Variants in FREM2 observed in about 807,000 individuals in gnomAD.
FREM2 encodes the protein FRAS1-related extracellular matrix protein 2.
In FREM2, 119 loss-of-function variants were observed where a neutral mutation model predicts 219.9. The ratio of observed to expected loss-of-function variants is 0.54; its 90% CI spans 0.47 to 0.63. The LOEUF (loss-of-function observed/expected upper bound fraction) is 0.63, where lower values mean the gene tolerates loss of function less well. Ranked by LOEUF, FREM2 falls within the 30% of genes least tolerant of loss-of-function variation. FREM2 has a pLI of 0.00. For missense variants in FREM2, 4,030 were observed against 3,993.6 expected, an observed-to-expected ratio of 1.01 and a Z score of -0.25; for synonymous variants, 1,562 against 1,522.8, an observed-to-expected ratio of 1.03 and a Z score of -0.60.
intron 6 of FREM2, among the ~76,000 whole-genome samples, chr13:38,813,519 CTCTCTCTCTCTCT>C (rs1875606392): frequency 1.7e-4 from 1 of 5,716 alleles, no homozygotes; most frequent in African/African-American, 4.8e-4. Context: ...TCTCTCTCTC[CTCTCTCTCTCTCT>C]CTCTCTCTCT....
At chr13:38,772,397 G>A (rs1230393367) in intron 4 of FREM2, among the ~76,000 whole-genome samples, 1 of 152,062 alleles carries the variant, frequency 6.6e-6, no homozygotes, top group African/African-American at 2.4e-5. Flanking sequence ...TAAACAACTC[G>A]GCTTTATTTT....
chr13:38,720,715 A>G (rs1376845819), intron 2 of FREM2, among the ~76,000 whole-genome samples: 1 of 152,158 alleles, frequency 6.6e-6, no homozygotes, highest in Non-Finnish European at 1.5e-5. Flanking sequence ...CAAGTACGTT[A>G]AGAGGCAAAA....
intron 2 of FREM2, among the ~76,000 whole-genome samples, chr13:38,725,868 T>C (rs1316210212): frequency 1.3e-5 from 2 of 152,178 alleles, no homozygotes; most frequent in Non-Finnish European, 2.9e-5. Context: ...AGTTTTGCTT[T>C]AGGCATGTCA....
At chr13:38,820,723 A>G (rs1050002923) in intron 6 of FREM2, among the ~76,000 whole-genome samples, 5 of 152,142 alleles carry the variant, frequency 3.3e-5, no homozygotes, top group African/African-American at 1.2e-4. Flanking sequence ...ACATACAGAA[A>G]ATGCTGAAAA....
At position 38,859,567 on chromosome 13, in the gene FREM2, T is replaced by C. The variant is rs748394116; in HGVS notation, c.7496T>C (p.Ile2499Thr). ...GAAGGCCTGGAGCTCATGAGCCCTA[T>C]TGTAACCATCAGCAGAGAAGAAGGT... ...GDEGLELMSP[I>T]VTISREEGLC... Residue 2499 changes from isoleucine (I) to threonine (T), a missense_variant, in exon 14 of 24, where the codon ATT becomes ACT. Transcript: ENST00000280481. The C allele has an allele frequency of 4.3e-6, 7 of 1,614,048 alleles. No homozygotes were observed. Among genetic ancestry groups the C allele is most frequent in the Non-Finnish European group, 4.2e-6 (5 of 1,179,998 alleles).
intron 6 of FREM2, among the ~76,000 whole-genome samples, chr13:38,839,005 C>T (rs999981487): frequency 5.9e-5 from 9 of 152,042 alleles, no homozygotes; most frequent in South Asian, 4.2e-4. Flanking sequence ...CCCTTGCTGG[C>T]GAGGAGTTGT....
At chr13:38,783,965 C>T (rs534997712) in intron 5 of FREM2, among the ~76,000 whole-genome samples, 41 of 152,312 alleles carry the variant, frequency 2.7e-4, no homozygotes, top group African/African-American at 9.1e-4. Flanking sequence ...CATGGTGGCG[C>T]GCACGCGCCT....
intron 2 of FREM2, among the ~76,000 whole-genome samples, chr13:38,740,877 G>C (rs1272560629): frequency 6.6e-6 from 1 of 152,148 alleles, no homozygotes; most frequent in African/African-American, 2.4e-5. Flanking sequence ...CACTACTCTT[G>C]ACTCCTTTTC....
At chr13:38,858,423 G>C (rs4473057) in intron 13 of FREM2, among the ~76,000 whole-genome samples, 30,513 of 152,126 alleles carry the variant, frequency 0.2, 3,314 homozygotes, top group East Asian at 0.31. Flanking sequence ...CCATATATGA[G>C]GGGAGGTTTG....
At chr13:38,784,858 A>G in intron 6 of FREM2, 50 bp downstream of exon 6, 1 of 1,591,458 alleles carries the variant, frequency 6.3e-7, no homozygotes, top group Non-Finnish European at 8.6e-7. Context: ...GATCAACATC[A>G]GGAACAACTT....
intron 6 of FREM2, among the ~76,000 whole-genome samples, chr13:38,812,121 C>T (rs555203200): frequency 6.6e-6 from 1 of 152,080 alleles, no homozygotes; most frequent in Non-Finnish European, 1.5e-5. Flanking sequence ...TACTCCTGCT[C>T]TTTTTTGGTT....
chr13:38,703,705 TTTA>T (rs1272407953), intron 2 of FREM2, among the ~76,000 whole-genome samples: 2 of 152,156 alleles, frequency 1.3e-5, no homozygotes, highest in Non-Finnish European at 2.9e-5. Flanking sequence ...CTCAATTTTA[TTTA>T]TTATTATTCT....
chr13:38,869,768 C>G (rs796576986), intron 16 of FREM2, among the ~76,000 whole-genome samples: 9 of 152,288 alleles, frequency 5.9e-5, no homozygotes, highest in African/African-American at 2.2e-4. Flanking sequence ...CAATAAAAAA[C>G]ACTTTAGATG....
At chr13:38,775,314 G>A (rs567552597) in intron 4 of FREM2, among the ~76,000 whole-genome samples, 99 of 152,274 alleles carry the variant, frequency 6.5e-4, no homozygotes, top group Non-Finnish European at 1.2e-3. Flanking sequence ...TTAATGAAAC[G>A]ATAGTACGCT....
In FREM2 at chr13:38,731,757, G is replaced by A. The variant is rs113522311; in HGVS notation, c.5264-32547G>A. Among the ~76,000 whole-genome samples, 515 of 152,230 alleles carry A rather than the reference G, an allele frequency of 3.4e-3. 2 individuals carry two copies. The highest frequency in any genetic ancestry group is 0.011 in the African/African-American group (475 of 41,548). On this transcript the variant is annotated intron_variant, in intron 2 of 23. Coordinates refer to ENST00000280481, the MANE Select transcript of FREM2 (RefSeq NM_207361.6). ...GGCCTGTGCTCCTGGAATTTGTTTT[G>A]TAGGCACCAGCTACAAAACAAACAT...
At chr13:38,702,869 A>T (rs1259684447) in intron 2 of FREM2, among the ~76,000 whole-genome samples, 1 of 152,080 alleles carries the variant, frequency 6.6e-6, no homozygotes, top group African/African-American at 2.4e-5. Flanking sequence ...TTATAGTGTT[A>T]TCTGGGCCAC....
chr13:38,879,042 A>G (rs986431936), intron 23 of FREM2, 65 bp downstream of exon 23: 4 of 1,381,206 alleles, frequency 2.9e-6, no homozygotes, highest in Admixed American at 1.7e-5. Flanking sequence ...GAACATTTAT[A>G]TGCCTCAGAT....
Position 38,876,253 on chromosome 13 carries a change from T to C in FREM2, c.8415T>C (p.Arg2805=). The change falls in exon 20 of 24, where the codon CGT becomes CGC. Residue 2805 remains arginine, a synonymous_variant. Coordinates refer to ENST00000280481, the MANE Select transcript of FREM2 (RefSeq NM_207361.6). The stretch of plus-strand genomic sequence containing the variant: ...TCAATATCTTCTCCTCAAAGGTACG[T>C]GACTACTCAGGGACCTATACTGTGA... ...QWSFVSDFAV[R]DYSGTYTVKL... is the part of the protein sequence containing the mutation. 2 of 1,614,152 alleles carry C rather than the reference T, an allele frequency of 1.2e-6. No homozygotes were observed. The highest frequency in any genetic ancestry group is 2.2e-5 in the South Asian group (2 of 91,078).
At chr13:38,731,157 G>C (rs1475095226) in intron 2 of FREM2, among the ~76,000 whole-genome samples, 2 of 152,104 alleles carry the variant, frequency 1.3e-5, no homozygotes, top group Non-Finnish European at 2.9e-5. Flanking sequence ...AAACACTTCA[G>C]ACATTGCAAA....
Sources: gnomAD v4.1 joint callset for allele counts (sites outside exome capture counted in the v4.1 genomes callset) on GRCh38, gnomAD v4.1.1 for gene constraint, MANE v1.5 for transcripts, NCBI Gene and HGNC (gene_info 2026-07-23, HGNC 2026-07-21) for gene names.